Variants in DLGAP2 observed in about 807,000 individuals in gnomAD.
DLGAP2 encodes disks large-associated protein 2.
Under a neutral mutation model 100.3 loss-of-function variants are expected in DLGAP2, and 26 were observed. The observed-to-expected ratio is 0.26, with a 90% CI of 0.19 to 0.36. The LOEUF (loss-of-function observed/expected upper bound fraction) is 0.36, where lower values mean the gene tolerates loss of function less well. DLGAP2 is among the 10% of genes least tolerant of loss of function. DLGAP2 has a pLI of 1.00. For missense variants in DLGAP2, 1,858 were observed against 1,453.2 expected (o/e 1.28, Z -4.53); for synonymous variants, 886 against 630.1 (o/e 1.41, Z -6.08).
intron 13 of DLGAP2, among the ~76,000 whole-genome samples, chr8:1,693,057 G>A (rs953555656): frequency 3.4e-5 from 5 of 147,332 alleles, no homozygotes; most frequent in African/African-American, 1.2e-4. Context: ...ATATATAGGT[G>A]TATTTATATA....
chr8:1,540,040 C>T (rs1262328344), intron 4 of DLGAP2, among the ~76,000 whole-genome samples: 1 of 152,226 alleles, frequency 6.6e-6, no homozygotes, highest in African/African-American at 2.4e-5. Context: ...ACAGGGCCTC[C>T]TCTTGCCTGC....
At position 1,039,039 on chromosome 8, in the gene DLGAP2, C is replaced by G. The variant is rs574340841; in HGVS notation, c.73+131073C>G. Among the ~76,000 whole-genome samples the G allele has an allele frequency of 1.5e-3, 227 of 152,332 alleles. 1 individual carries two copies. The highest frequency in any genetic ancestry group is 2.5e-3 in the Non-Finnish European group (168 of 68,034). ...GTTGATTTCTGTAATTTTTCGGAAA[C>G]TTAGTTTTCAGCCCCACTTTCCTCC... On this transcript the variant is annotated intron_variant, in intron 2 of 14. Transcript: ENST00000637795.
intron 6 of DLGAP2, among the ~76,000 whole-genome samples, chr8:1,572,733 G>T (rs1489990560): frequency 1.0e-5 from 1 of 99,336 alleles, no homozygotes; most frequent in South Asian, 4.9e-4. Flanking sequence ...GAGAGAGGGT[G>T]AACTGTGGGG....
chr8:1,244,967 A>C (rs961648170), intron 2 of DLGAP2, among the ~76,000 whole-genome samples: 3 of 152,216 alleles, frequency 2.0e-5, no homozygotes, highest in African/African-American at 7.2e-5. Flanking sequence ...ATGAACAGGC[A>C]ATTCACCCAC....
chr8:1,084,008 T>C (rs1196150881), intron 2 of DLGAP2, among the ~76,000 whole-genome samples: 1 of 152,242 alleles, frequency 6.6e-6, no homozygotes, highest in Non-Finnish European at 1.5e-5. Flanking sequence ...TGTAAGCTCC[T>C]GATAGGCATA....
intron 2 of DLGAP2, among the ~76,000 whole-genome samples, chr8:1,142,623 G>A (rs1272336070): frequency 1.3e-5 from 2 of 152,246 alleles, no homozygotes; most frequent in African/African-American, 2.4e-5. Flanking sequence ...GAGTCACAGG[G>A]TTTTGGGAAG....
chr8:1,565,212 A>G (rs977710869), intron 5 of DLGAP2, among the ~76,000 whole-genome samples: 3 of 152,338 alleles, frequency 2.0e-5, no homozygotes, highest in South Asian at 2.1e-4. Context: ...TGTATGATAG[A>G]ACTTGGCTTC....
At chr8:1,311,135 A>G (rs1800604630) in intron 3 of DLGAP2, among the ~76,000 whole-genome samples, 1 of 152,184 alleles carries the variant, frequency 6.6e-6, no homozygotes, top group Non-Finnish European at 1.5e-5. Flanking sequence ...AGGATTTAAG[A>G]CAATACTATG....
intron 2 of DLGAP2, among the ~76,000 whole-genome samples, chr8:1,231,374 T>G (rs563263885): frequency 6.6e-6 from 1 of 152,332 alleles, no homozygotes; most frequent in South Asian, 2.1e-4. Context: ...AGGGAATGCT[T>G]ATATCCTGTT....
intron 7 of DLGAP2, among the ~76,000 whole-genome samples, chr8:1,632,259 G>T (rs1012233305): frequency 1.3e-5 from 2 of 152,238 alleles, no homozygotes; most frequent in African/African-American, 4.8e-5. Flanking sequence ...TCTGGACTCA[G>T]ATATATGCTG....
In DLGAP2 at chr8:1,277,457, T is replaced by A. The variant is rs543141234; in HGVS notation, c.106+18574T>A. Among the ~76,000 whole-genome samples the A allele has an allele frequency of 3.3e-5, 5 of 152,202 alleles. No individual in the cohort carries two copies. In the South Asian group the frequency reaches 6.2e-4, roughly 19 times the overall value. On this transcript the variant is annotated intron_variant, in intron 3 of 14. Coordinates refer to ENST00000637795, the MANE Select transcript of DLGAP2 (RefSeq NM_001346810.2). ...AAACAAACATCTGACCTGTGATAGA[T>A]GTGTGGGGTCAAATGGGAGTGGCCA...
In DLGAP2 at chr8:1,702,398, G is replaced by C. The variant is rs1427732964; in HGVS notation, c.*992G>C. The C allele has an allele frequency of 6.6e-6, 1 of 152,330 alleles. No individual in the cohort carries two copies. The highest frequency in any genetic ancestry group is 1.5e-5 in the Non-Finnish European group (1 of 67,996). 9.4% of individuals were successfully genotyped at this position (152,330 alleles called of 1,614,324 possible). On this transcript the variant is annotated 3_prime_UTR_variant, in exon 15 of 15. Coordinates refer to ENST00000637795, the MANE Select transcript of DLGAP2 (RefSeq NM_001346810.2). ...ACACACGAAAAACAAAAGTTTGCTTGTTTAAAATGACAGTTGTGATGTAAA... is the reference window on the plus strand; with the variant it reads ...ACACACGAAAAACAAAAGTTTGCTTCTTTAAAATGACAGTTGTGATGTAAA...
chr8:1,468,380 C>G (rs907145827), intron 3 of DLGAP2, among the ~76,000 whole-genome samples: 2 of 152,094 alleles, frequency 1.3e-5, no homozygotes, highest in Admixed American at 1.3e-4. Flanking sequence ...TCAGTCCATT[C>G]TGAGAACCTC....
chr8:1,697,278 G>A lies in DLGAP2; in HGVS notation c.2928G>A (p.Met976Ile). The stretch of plus-strand genomic sequence containing the variant: ...GGCTGCGGCTCAACGACTGGAAGAT[G>A]ATGGAGTCCCCGGAAAGAAAGGTAA... ...LQRLRLNDWKMMESPERKEER... is the reference protein window; with the variant it reads ...LQRLRLNDWKIMESPERKEER... The change falls in exon 14 of 15, where the codon ATG becomes ATA. Residue 976 changes from methionine (M) to isoleucine (I), a missense_variant. By Grantham distance (10) the Met-to-Ile change is conservative. Coordinates refer to ENST00000637795, the MANE Select transcript of DLGAP2 (RefSeq NM_001346810.2). The A allele has an allele frequency of 6.2e-7, 1 of 1,607,916 alleles. No individual in the cohort carries two copies. The highest frequency in any genetic ancestry group is 8.5e-7 in the Non-Finnish European group (1 of 1,176,526).
At chr8:1,135,534 A>G (rs1447146976) in intron 2 of DLGAP2, among the ~76,000 whole-genome samples, 1 of 67,522 alleles carries the variant, frequency 1.5e-5, no homozygotes, top group Admixed American at 2.3e-4. Context: ...TTTTGTCCAT[A>G]TCTTAAGAAG....
At chr8:1,501,722 T>C (rs1449020178) in intron 4 of DLGAP2, among the ~76,000 whole-genome samples, 8 of 152,238 alleles carry the variant, frequency 5.3e-5, no homozygotes, top group African/African-American at 1.4e-4. Context: ...CTTGCTCCTC[T>C]GTGTCTAAAC....
intron 3 of DLGAP2, among the ~76,000 whole-genome samples, chr8:1,353,379 C>T (rs563053325): frequency 1.3e-5 from 2 of 152,346 alleles, no homozygotes; most frequent in East Asian, 1.9e-4. Context: ...GAGTTCCGCA[C>T]AACCCTTCTG....
chr8:917,858 C>T (rs898665494), intron 2 of DLGAP2, among the ~76,000 whole-genome samples: 2 of 152,260 alleles, frequency 1.3e-5, no homozygotes, highest in South Asian at 2.1e-4. Context: ...GGATTACAGG[C>T]GTGAGCTACT....
chr8:909,042 A>G (rs1198839072), intron 2 of DLGAP2, among the ~76,000 whole-genome samples: 3 of 152,204 alleles, frequency 2.0e-5, no homozygotes, highest in East Asian at 1.9e-4. Context: ...GAAAAATACA[A>G]TCTTTATTAA....
Sources: allele counts gnomAD v4.1 joint callset (sites outside exome capture counted in the v4.1 genomes callset), GRCh38; gene constraint gnomAD v4.1.1; transcripts MANE v1.5; gene names NCBI Gene and HGNC (gene_info 2026-07-23, HGNC 2026-07-21).